The following TMEM132D variants were observed in gnomAD, a reference collection of about 807,000 sequenced individuals.
TMEM132D encodes the protein transmembrane protein 132D.
Under a neutral mutation model 62.3 loss-of-function variants are expected in TMEM132D, and 21 were observed. The observed-to-expected ratio is 0.34, with a 90% CI of 0.24 to 0.49. The LOEUF (loss-of-function observed/expected upper bound fraction) is 0.49. TMEM132D is among the 20% of genes least tolerant of loss of function. TMEM132D has a pLI of 0.99. For missense variants in TMEM132D, 1,346 were observed against 1,402.8 expected (o/e 0.96, Z 0.65); for synonymous variants, 621 against 575.6 (o/e 1.08, Z -1.13).
intron 1 of TMEM132D, among the ~76,000 whole-genome samples, chr12:129,776,534 A>C (rs1338958106): frequency 6.6e-6 from 1 of 152,116 alleles, no homozygotes; most frequent in East Asian, 1.9e-4. Context: ...GTAAAAAGGA[A>C]AAAGCCGAAT....
intron 3 of TMEM132D, among the ~76,000 whole-genome samples, chr12:129,379,955 G>C (rs944906489): frequency 2.6e-5 from 4 of 152,124 alleles, no homozygotes; most frequent in Non-Finnish European, 5.9e-5. Flanking sequence ...AATTAACTTT[G>C]CTTTTTATTT....
At chr12:129,603,480 T>G (rs764746863) in intron 2 of TMEM132D, among the ~76,000 whole-genome samples, 3 of 152,198 alleles carry the variant, frequency 2.0e-5, no homozygotes, top group Non-Finnish European at 4.4e-5. Context: ...CAGGGCCTGA[T>G]AGCTCCCTTA....
At chr12:129,420,306 G>GT (rs71082709) in intron 3 of TMEM132D, among the ~76,000 whole-genome samples, 2,546 of 111,762 alleles carry the variant, frequency 0.023, 178 homozygotes, top group East Asian at 0.049. Context: ...CACGTTCTCT[G>GT]TTTTTTTTTT....
intron 5 of TMEM132D, among the ~76,000 whole-genome samples, chr12:129,159,525 G>T (rs1877337646): frequency 6.6e-6 from 1 of 152,144 alleles, no homozygotes; most frequent in African/African-American, 2.4e-5. Context: ...GGGAGGCTGA[G>T]GTGGGCAGAT....
At chr12:129,142,318 A>C (rs1876768930) in intron 5 of TMEM132D, among the ~76,000 whole-genome samples, 1 of 152,194 alleles carries the variant, frequency 6.6e-6, no homozygotes, top group Non-Finnish European at 1.5e-5. Flanking sequence ...TTCTCTGGAT[A>C]AGATGAATAA....
chr12:129,603,846 T>C (rs1016657512), intron 2 of TMEM132D, among the ~76,000 whole-genome samples: 1 of 152,126 alleles, frequency 6.6e-6, no homozygotes, highest in Non-Finnish European at 1.5e-5. Flanking sequence ...TATAAATCAT[T>C]CTACTATAAA....
intron 5 of TMEM132D, among the ~76,000 whole-genome samples, chr12:129,113,922 TG>T (rs756114651): frequency 4.5e-4 from 69 of 152,106 alleles, no homozygotes; most frequent in Middle Eastern, 6.8e-3. Flanking sequence ...CTCTCCCAGC[TG>T]GGTAGGGGAT....
At chr12:129,747,921 C>G (rs1869868274) in intron 1 of TMEM132D, among the ~76,000 whole-genome samples, 1 of 151,750 alleles carries the variant, frequency 6.6e-6, no homozygotes, top group Non-Finnish European at 1.5e-5. Context: ...CTGCTTTGTT[C>G]TTCTTTCTAG....
At chr12:129,126,588 G>A (rs1593269600) in intron 5 of TMEM132D, among the ~76,000 whole-genome samples, 1 of 152,130 alleles carries the variant, frequency 6.6e-6, no homozygotes, top group Non-Finnish European at 1.5e-5. Flanking sequence ...GCAAAAATAT[G>A]CCTGTGCCAT....
intron 3 of TMEM132D, among the ~76,000 whole-genome samples, chr12:129,356,319 G>C (rs1446311629): frequency 1.4e-5 from 1 of 69,812 alleles, no homozygotes; most frequent in Non-Finnish European, 2.9e-5. Context: ...ACTACGCCCG[G>C]CTAATTTTTT....
intron 3 of TMEM132D, among the ~76,000 whole-genome samples, chr12:129,370,164 A>G (rs1487149088): frequency 6.6e-6 from 1 of 152,230 alleles, no homozygotes; most frequent in Non-Finnish European, 1.5e-5. Context: ...CACAAATTCA[A>G]ATTTTCTTAA....
intron 3 of TMEM132D, among the ~76,000 whole-genome samples, chr12:129,470,131 T>A (rs1420218471): frequency 6.6e-6 from 1 of 152,186 alleles, no homozygotes; most frequent in African/African-American, 2.4e-5. Context: ...TCCAGATCTC[T>A]CTATAGACAG....
chr12:129,761,207 G>A (rs1870364175), intron 1 of TMEM132D, among the ~76,000 whole-genome samples: 1 of 152,102 alleles, frequency 6.6e-6, no homozygotes, highest in South Asian at 2.1e-4. Flanking sequence ...AGCCTTGACT[G>A]TTGGTTCAAT....
At chr12:129,422,104 A>G (rs1872342836) in intron 3 of TMEM132D, among the ~76,000 whole-genome samples, 1 of 151,834 alleles carries the variant, frequency 6.6e-6, no homozygotes, top group South Asian at 2.1e-4. Context: ...TTAAAAAAAA[A>G]AAAAAAGCTT....
intron 1 of TMEM132D, among the ~76,000 whole-genome samples, chr12:129,814,331 C>T (rs1872278942): frequency 6.6e-6 from 1 of 152,106 alleles, no homozygotes; most frequent in Admixed American, 6.5e-5. Flanking sequence ...AAACTAACGC[C>T]AGGTGCGGTG....
chr12:129,899,062 GCT>G (rs1215865740), intron 1 of TMEM132D, among the ~76,000 whole-genome samples: 5 of 152,216 alleles, frequency 3.3e-5, no homozygotes, highest in Non-Finnish European at 7.3e-5. Context: ...TTCCTGCTGA[GCT>G]CTGTGTTCAC....
At chr12:129,459,406 G>T (rs1001302893) in intron 3 of TMEM132D, among the ~76,000 whole-genome samples, 11 of 152,206 alleles carry the variant, frequency 7.2e-5, no homozygotes, top group African/African-American at 2.7e-4. Context: ...CTTCCCAGGA[G>T]TTGTTCTAGG....
chr12:129,534,185 C>G (rs951855515), intron 2 of TMEM132D, among the ~76,000 whole-genome samples: 2 of 152,008 alleles, frequency 1.3e-5, no homozygotes, highest in African/African-American at 2.4e-5. Context: ...TCAATAAATA[C>G]AGGTTACACT....
intron 4 of TMEM132D, among the ~76,000 whole-genome samples, chr12:129,294,167 G>T (rs562828244): frequency 2.6e-5 from 4 of 152,276 alleles, no homozygotes; most frequent in Admixed American, 6.5e-5. Flanking sequence ...ATGAACTAAA[G>T]TTCCATGTTT....
Sources: allele counts gnomAD v4.1 joint callset (sites outside exome capture counted in the v4.1 genomes callset), GRCh38; gene constraint gnomAD v4.1.1; transcripts MANE v1.5; gene names NCBI Gene and HGNC (gene_info 2026-07-23, HGNC 2026-07-21).